COL9A1: variants seen among roughly 807,000 people sequenced by gnomAD.
COL9A1 encodes collagen type IX alpha 1 chain.
COL9A1 carries 104 observed loss-of-function variants against 142.6 expected under a neutral mutation model. That is an observed-to-expected ratio of 0.73 (90% CI 0.62 to 0.86). The LOEUF is 0.86. COL9A1 is among the 40% of genes least tolerant of loss of function. COL9A1 has a pLI of 0.00. For missense variants in COL9A1, 1,210 were observed against 1,176.6 expected (o/e 1.03, Z -0.42); for synonymous variants, 466 against 396.0 (o/e 1.18, Z -2.10).
chr6:70,287,077 G>A (rs13206657), intron 5 of COL9A1, among the ~76,000 whole-genome samples: 2,292 of 152,220 alleles, frequency 0.015, 33 homozygotes, highest in Non-Finnish European at 0.025. Context: ...TCAATGAAGG[G>A]ATCATATAAC....
intron 18 of COL9A1, among the ~76,000 whole-genome samples, chr6:70,263,784 T>C (rs1771844715): frequency 6.6e-6 from 1 of 151,956 alleles, no homozygotes; most frequent in Admixed American, 6.6e-5. Flanking sequence ...TTGCACCATA[T>C]ACAATATTTT....
Position 70,255,375 on chromosome 6 carries a change from G to A in COL9A1, c.1519C>T (p.Arg507Ter), listed in dbSNP as rs189754995. ...GGACCTGCTTCTCCTGGAGGTCCTC[G>A]CTGTCCTTGATCACCCTGTATGAAA... Reference protein sequence around the residue: ...LPGAPGDQGQRGPPGEAGPKG... With the variant: ...LPGAPGDQGQ Residue 507 changes from arginine (R) to a stop codon, truncating the protein, a stop_gained, in exon 22 of 38, where the codon CGA becomes TGA. Transcript: ENST00000357250. LOFTEE classifies it high-confidence loss of function. The A allele has an allele frequency of 3.1e-6, 5 of 1,613,952 alleles. No homozygotes were observed. The highest frequency in any genetic ancestry group is 1.1e-5 in the South Asian group (1 of 91,086).
chr6:70,244,667 T>C (rs1770478472), intron 28 of COL9A1, among the ~76,000 whole-genome samples: 1 of 152,210 alleles, frequency 6.6e-6, no homozygotes, highest in South Asian at 2.1e-4. Flanking sequence ...AAAATAAAGA[T>C]GATTATTATA....
In COL9A1 at chr6:70,283,759, T is replaced by C. The variant is rs747074497; in HGVS notation, c.758A>G (p.His253Arg). The C allele has an allele frequency of 1.2e-6, 2 of 1,611,938 alleles. No homozygotes were observed. Among genetic ancestry groups the C allele is most frequent in the Admixed American group, 1.7e-5 (1 of 59,812 alleles). Residue 253 changes from histidine (H) to arginine (R), a missense_variant, in exon 6 of 38, where the codon CAT becomes CGT. Physicochemically the swap from His to Arg is conservative, Grantham distance 29 (BLOSUM62 0). Transcript: ENST00000357250. ...DPLRPRRETC[H>R]ELPARITPSQ... ...CACCGTTATTCTGGCTGGCAGCTCA[T>C]GGCAAGTTTCTCTCCTGGGCCGCAG...
Position 70,302,900 on chromosome 6 carries a change from T to G in COL9A1, c.14+11A>C. 1 of 1,614,020 alleles carries G rather than the reference T, an allele frequency of 6.2e-7. No individual in the cohort carries two copies. The highest frequency in any genetic ancestry group is 8.5e-7 in the Non-Finnish European group (1 of 1,179,890). On this transcript the variant is annotated intron_variant, in intron 1 of 37. Coordinates refer to ENST00000357250, the MANE Select transcript of COL9A1 (RefSeq NM_001851.6). Reference sequence around the variant, plus strand: ...ATCTCCCCACCACTCTTTCCAGGGTTATTGTCTTACCAGCAGGTCTTCATT... The same window carrying G: ...ATCTCCCCACCACTCTTTCCAGGGTGATTGTCTTACCAGCAGGTCTTCATT...
chr6:70,252,972 A>AT (rs1377658489), intron 26 of COL9A1, among the ~76,000 whole-genome samples: 45 of 152,158 alleles, frequency 3.0e-4, no homozygotes, highest in African/African-American at 1.1e-3. Flanking sequence ...AACTGCTTAC[A>AT]TTTTTGTTTT....
chr6:70,295,084 C>A (rs1033784131), intron 4 of COL9A1, among the ~76,000 whole-genome samples: 5 of 152,060 alleles, frequency 3.3e-5, no homozygotes, highest in African/African-American at 1.2e-4. Flanking sequence ...GTATTCCACT[C>A]CACAATTATA....
At chr6:70,215,985 A>G (rs1768478976), downstream of COL9A1, 1 of 151,728 alleles carries the variant, frequency 6.6e-6, no homozygotes, top group Non-Finnish European at 1.5e-5. Flanking sequence ...CAGCTTTTTA[A>G]ATTACTTTAT....
At chr6:70,282,476 T>C (rs969107791) in intron 7 of COL9A1, among the ~76,000 whole-genome samples, 5 of 148,842 alleles carry the variant, frequency 3.4e-5, no homozygotes, top group Non-Finnish European at 7.4e-5. Context: ...TCGGGGTTAG[T>C]GCAGCTACGG....
intron 17 of COL9A1, among the ~76,000 whole-genome samples, 164 bp from the exon 18 acceptor site, chr6:70,266,934 C>G (rs930433092): frequency 6.6e-6 from 1 of 152,194 alleles, no homozygotes; most frequent in Non-Finnish European, 1.5e-5. Flanking sequence ...AGCACCATGA[C>G]TGCCATATAT....
chr6:70,278,793 A>C (rs1772927823), intron 10 of COL9A1, among the ~76,000 whole-genome samples: 1 of 152,242 alleles, frequency 6.6e-6, no homozygotes, highest in Admixed American at 6.5e-5. Context: ...TGTACTTCTA[A>C]AAATTTCAAA....
intron 16 of COL9A1, 59 bp downstream of exon 16, chr6:70,269,574 C>A (rs1192817541): frequency 8.7e-7 from 1 of 1,146,194 alleles, no homozygotes. Context: ...GAAAACTCAT[C>A]TGCAGGCTAT....
intron 18 of COL9A1, among the ~76,000 whole-genome samples, chr6:70,265,913 G>C (rs1459314412): frequency 6.6e-6 from 1 of 152,068 alleles, no homozygotes; most frequent in Non-Finnish European, 1.5e-5. Flanking sequence ...CCAAAGAATA[G>C]ACTAACCTTC....
chr6:70,288,640 G>C (rs931256557), intron 5 of COL9A1, among the ~76,000 whole-genome samples: 1 of 152,086 alleles, frequency 6.6e-6, no homozygotes, highest in Admixed American at 6.6e-5. Context: ...GGCTGCCAGG[G>C]AGTTCTCAGA....
intron 14 of COL9A1, among the ~76,000 whole-genome samples, 161 bp downstream of exon 14, chr6:70,271,494 A>C (rs551536767): frequency 6.6e-6 from 1 of 152,334 alleles, no homozygotes; most frequent in East Asian, 1.9e-4. Flanking sequence ...TGCAAAAATT[A>C]TTATTATTCC....
chr6:70,244,709 A>G (rs1164363028), intron 28 of COL9A1, among the ~76,000 whole-genome samples: 1 of 152,232 alleles, frequency 6.6e-6, no homozygotes, highest in African/African-American at 2.4e-5. Context: ...CCAAAGGGCT[A>G]AATTAAAATA....
At chr6:70,302,279 G>C (rs543097429) in intron 1 of COL9A1, among the ~76,000 whole-genome samples, 1 of 141,178 alleles carries the variant, frequency 7.1e-6, no homozygotes, top group Non-Finnish European at 1.5e-5. Context: ...GCGCGATCTC[G>C]GCTCTTTGCA....
intron 30 of COL9A1, 73 bp from the exon 31 acceptor site, chr6:70,241,527 G>A: frequency 7.8e-7 from 1 of 1,278,120 alleles, no homozygotes; most frequent in Non-Finnish European, 1.1e-6. Flanking sequence ...ACCTTATTGG[G>A]TGGGTGGATA....
intron 19 of COL9A1, 151 bp from the exon 20 acceptor site, chr6:70,260,861 T>C (rs1168669759): frequency 6.0e-6 from 4 of 672,058 alleles, no homozygotes; most frequent in Non-Finnish European, 9.8e-6. Context: ...CAAACATTTC[T>C]AGTTTAGAAA....
Sources: gnomAD v4.1 joint callset for allele counts (sites outside exome capture counted in the v4.1 genomes callset) on GRCh38, gnomAD v4.1.1 for gene constraint, MANE v1.5 for transcripts, NCBI Gene and HGNC (gene_info 2026-07-23, HGNC 2026-07-21) for gene names.